The following NCOR2 variants were observed in gnomAD, a reference collection of about 807,000 sequenced individuals.
NCOR2 encodes the protein CTG repeat protein 26.
Under a neutral mutation model 262.9 loss-of-function variants are expected in NCOR2, and 81 were observed. The observed-to-expected ratio is 0.31, with a 90% CI of 0.26 to 0.37. The LOEUF is 0.37. Among genes scored for constraint, NCOR2 ranks in the 10% least tolerant of loss-of-function variants. The pLI is 1.00. For missense variants in NCOR2, 3,385 were observed against 3,621.4 expected, an observed-to-expected ratio of 0.93 and a Z score of 1.68; for synonymous variants, 1,659 against 1,559.3, an observed-to-expected ratio of 1.06 and a Z score of -1.51.
chr12:124,336,479 C>T, intron 38 of NCOR2: 1 of 607,048 alleles, frequency 1.6e-6, no homozygotes, highest in Non-Finnish European at 2.3e-6. Context: ...GCAGGCGCGG[C>T]CGGAGTAGTC....
At chr12:124,375,835 G>A (rs1192362779) in intron 18 of NCOR2, among the ~76,000 whole-genome samples, 2 of 152,202 alleles carry the variant, frequency 1.3e-5, no homozygotes, top group Non-Finnish European at 2.9e-5. Flanking sequence ...GCCCCGCGCT[G>A]GTGTATTTCC....
intron 16 of NCOR2, among the ~76,000 whole-genome samples, chr12:124,388,386 C>A (rs1279946431): frequency 6.6e-6 from 1 of 152,124 alleles, no homozygotes; most frequent in Non-Finnish European, 1.5e-5. Context: ...CCTTGGAGAC[C>A]ACCCCGCCAG....
intron 1 of NCOR2, among the ~76,000 whole-genome samples, chr12:124,490,095 C>T (rs1323722000): frequency 6.6e-6 from 1 of 152,200 alleles, no homozygotes; most frequent in Non-Finnish European, 1.5e-5. Flanking sequence ...GTCAAGAGAG[C>T]TCCCACCTCA....
rs1330818004 is a variant in NCOR2, at chr12:124,457,066, C to A, written c.762+40G>T. Reference sequence around the variant, plus strand: ...TCCCTGCCCACCTCTCCAGCCACCCCCGCCCTCCCCTGAGCCCCTGACCCT... The same window carrying A: ...TCCCTGCCCACCTCTCCAGCCACCCACGCCCTCCCCTGAGCCCCTGACCCT... On this transcript the variant is annotated intron_variant, in intron 6 of 46. Transcript: ENST00000405201. The surrounding 1 kb of genome is among the most constrained non-coding windows in gnomAD (Gnocchi z 4.0). 2.4e-6 allele frequency: 3 copies of A among 1,259,036 alleles called. No homozygotes were observed. The highest frequency in any genetic ancestry group is 1.4e-5 in the South Asian group (1 of 69,476). The allele number at this position is 1,259,036 out of a possible 1,614,324, so 78.0% of individuals were successfully genotyped here. A position where few individuals can be genotyped will look rare whatever the true frequency, so the allele number is the denominator to read the frequency against.
At chr12:124,467,781 CCTTATCCTCATCACCCCCATCA>C in intron 4 of NCOR2, among the ~76,000 whole-genome samples, 1 of 85,662 alleles carries the variant, frequency 1.2e-5, no homozygotes, top group African/African-American at 4.0e-5. Context: ...CCCTCATCAT[CCTTATCCTCATCACCCCCATCA>C]TCCTCATCCT....
At chr12:124,508,977 AC>A (rs1425764471) in intron 1 of NCOR2, among the ~76,000 whole-genome samples, 2 of 152,010 alleles carry the variant, frequency 1.3e-5, no homozygotes, top group Non-Finnish European at 2.9e-5. Context: ...AATGAAACTT[AC>A]CCAGTGACTC....
At chr12:124,472,869 G>C in intron 4 of NCOR2, 83 bp downstream of exon 6, 2 of 1,572,718 alleles carry the variant, frequency 1.3e-6, no homozygotes, top group South Asian at 2.3e-5. Flanking sequence ...GGAAGGGCTT[G>C]GCACATGTCT....
At chr12:124,488,114 T>C (rs1009169722) in intron 1 of NCOR2, among the ~76,000 whole-genome samples, 2 of 152,182 alleles carry the variant, frequency 1.3e-5, no homozygotes, top group Non-Finnish European at 2.9e-5. Context: ...ATCTAGTCAC[T>C]CTTTTGTTGT....
At chr12:124,350,801 C>G in intron 27 of NCOR2, 64 bp from the exon 30 acceptor site, 1 of 1,541,574 alleles carries the variant, frequency 6.5e-7, no homozygotes, top group East Asian at 2.3e-5. Flanking sequence ...AACTCAAATG[C>G]AGGCAAAGAC....
chr12:124,532,458 G>A (rs905141628), intron 1 of NCOR2, among the ~76,000 whole-genome samples: 3 of 152,180 alleles, frequency 2.0e-5, no homozygotes, highest in East Asian at 1.9e-4. Flanking sequence ...CCTTGCCTTC[G>A]GGCTGAGGAG....
At chr12:124,395,904 A>G (rs2041625056) in intron 16 of NCOR2, among the ~76,000 whole-genome samples, 1 of 152,174 alleles carries the variant, frequency 6.6e-6, no homozygotes, top group Admixed American at 6.5e-5. Context: ...TTTTACACAA[A>G]TGCTCACAGC....
intron 1 of NCOR2, among the ~76,000 whole-genome samples, chr12:124,528,246 G>A (rs776931997): frequency 1.3e-5 from 2 of 152,186 alleles, no homozygotes; most frequent in Non-Finnish European, 2.9e-5. Flanking sequence ...TGTCAGAGCC[G>A]AAGATTAAAA....
intron 6 of NCOR2, 39 bp from the exon 9 acceptor site, chr12:124,449,906 G>A (rs1245916543): frequency 1.9e-6 from 3 of 1,604,268 alleles, no homozygotes; most frequent in African/African-American, 1.3e-5. Context: ...GAGCCTGGCT[G>A]GCCACTCGCC....
intron 11 of NCOR2, 36 bp from the exon 14 acceptor site, chr12:124,422,591 G>A (rs369503019): frequency 2.6e-5 from 42 of 1,612,100 alleles, no homozygotes; most frequent in East Asian, 6.7e-5. Flanking sequence ...AGACCTGGCC[G>A]AGGGGGGCTT....
In NCOR2 at chr12:124,459,765, A is replaced by C. The variant is rs2046066333; in HGVS notation, c.706-2603T>G. Among the ~76,000 whole-genome samples, 3 of 152,154 alleles carry C rather than the reference A, an allele frequency of 2.0e-5. No individual in the cohort carries two copies. The South Asian group carries it at 6.2e-4, about 32-fold the overall frequency. On this transcript the variant is annotated intron_variant, in intron 5 of 46. Coordinates refer to ENST00000405201, the Ensembl canonical transcript of NCOR2. ...CAGGCCACAGATTCAGCCTCATGCCAAAAATTCCCCCTCACCTCCTCGGCT... is the reference window on the plus strand; with the variant it reads ...CAGGCCACAGATTCAGCCTCATGCCCAAAATTCCCCCTCACCTCCTCGGCT...
Position 124,443,482 on chromosome 12 carries a change from G to A in NCOR2, c.816-5486C>T, listed in dbSNP as rs933396809. Among the ~76,000 whole-genome samples, 5 of 149,200 alleles carry A rather than the reference G, an allele frequency of 3.4e-5. No homozygotes were observed. The highest frequency in any genetic ancestry group is 6.0e-5 in the Non-Finnish European group (4 of 66,834). On this transcript the variant is annotated intron_variant, in intron 7 of 46. Coordinates refer to ENST00000405201, the Ensembl canonical transcript of NCOR2. The surrounding 1 kb of genome is among the most constrained non-coding windows in gnomAD (Gnocchi z 4.4). ...TCTGAGGGTGTTGTGTTGGGCTGTG[G>A]TGCTTTATTTATTTATTTTTTATTT...
chr12:124,552,672 T>G (rs1227108438), intron 1 of NCOR2, among the ~76,000 whole-genome samples: 1 of 151,958 alleles, frequency 6.6e-6, no homozygotes, highest in South Asian at 2.1e-4. Context: ...CAGCACAAGT[T>G]TTTTCGGGGG....
intron 1 of NCOR2, among the ~76,000 whole-genome samples, chr12:124,565,891 T>C (rs945634159): frequency 6.6e-6 from 1 of 152,146 alleles, no homozygotes; most frequent in African/African-American, 2.4e-5. Context: ...TCACTGCTGC[T>C]TGCCATTTCT....
intron 20 of NCOR2, among the ~76,000 whole-genome samples, chr12:124,369,540 C>T (rs934706455): frequency 1.2e-4 from 18 of 151,988 alleles, no homozygotes; most frequent in African/African-American, 3.1e-4. Context: ...GCATCTCGTC[C>T]GCGTCCTCCA....
Sources: allele counts gnomAD v4.1 joint callset (sites outside exome capture counted in the v4.1 genomes callset), GRCh38; gene constraint gnomAD v4.1.1; non-coding constraint Gnocchi (gnomAD v3.1); transcripts MANE v1.5; gene names NCBI Gene and HGNC (gene_info 2026-07-23, HGNC 2026-07-21).